BMP2K: variants seen among roughly 807,000 people sequenced by gnomAD.
BMP2K encodes the protein BMP-2-inducible protein kinase.
In BMP2K, 74 loss-of-function variants were observed where a neutral mutation model predicts 116.0. The ratio of observed to expected loss-of-function variants is 0.64; its 90% CI spans 0.53 to 0.77. The LOEUF is 0.77. BMP2K is among the 30% of genes least tolerant of loss of function. BMP2K has a pLI of 0.00. For synonymous variants in BMP2K, 486 were observed against 502.5 expected (o/e 0.97, Z 0.44); for missense variants, 1,365 against 1,403.6 (o/e 0.97, Z 0.44).
intron 13 of BMP2K, among the ~76,000 whole-genome samples, chr4:78,878,521 T>G (rs1732741187): frequency 6.6e-6 from 1 of 152,148 alleles, no homozygotes; most frequent in Non-Finnish European, 1.5e-5. Flanking sequence ...GGGTACCTTA[T>G]GTAGGTGATT....
chr4:78,809,686 G>GT (rs77902658), intron 1 of BMP2K, among the ~76,000 whole-genome samples: 8,269 of 130,176 alleles, frequency 0.064, 680 homozygotes, highest in African/African-American at 0.2. Flanking sequence ...GGTTTAAAGT[G>GT]TTTTTTTTTT....
In BMP2K at chr4:78,809,482, G is replaced by C. The variant is rs148863352; in HGVS notation, c.179-16555G>C. On this transcript the variant is annotated intron_variant, in intron 1 of 15. Transcript: ENST00000502613. ...AGCCTTGACCTCCTGAACTTAAGCA[G>C]TCCTCCCATCTCTGCCTCCTGAGTA... 2.6e-4 allele frequency among the ~76,000 whole-genome samples: 40 copies of C among 151,894 alleles called. No homozygotes were observed. The East Asian group carries it at 7.6e-3, about 29-fold the overall frequency.
chr4:78,786,261 C>G (rs1421257079), intron 1 of BMP2K, among the ~76,000 whole-genome samples: 1 of 152,098 alleles, frequency 6.6e-6, no homozygotes, highest in Non-Finnish European at 1.5e-5. Flanking sequence ...ATCCCTCATC[C>G]CTTGCACTAC....
chr4:78,912,555 C>T lies in BMP2K; in HGVS notation c.*522C>T, dbSNP rs573875290. On this transcript the variant is annotated 3_prime_UTR_variant, in exon 16 of 16. Coordinates refer to ENST00000502613, the MANE Select transcript of BMP2K (RefSeq NM_198892.2). ...GAGAGTGCAGAGATTTCAGTCCATA[C>T]ACCTTTCTCCACAAAGCAGAGCCAG... is the stretch of plus-strand genomic sequence containing the variant. The T allele has an allele frequency of 1.3e-5, 2 of 152,520 alleles. No homozygotes were observed. Among genetic ancestry groups the T allele is most frequent in the African/African-American group, 4.8e-5 (2 of 41,544 alleles). 9.4% of individuals were successfully genotyped at this position (152,520 alleles called of 1,614,324 possible).
intron 9 of BMP2K, among the ~76,000 whole-genome samples, chr4:78,864,208 G>A (rs535471176): frequency 9.9e-5 from 15 of 152,174 alleles, no homozygotes; most frequent in African/African-American, 2.9e-4. Flanking sequence ...GCAACATCAG[G>A]TCTGGCCTGT....
intron 15 of BMP2K, among the ~76,000 whole-genome samples, chr4:78,897,265 C>A (rs1199559762): frequency 1.3e-5 from 2 of 151,642 alleles, no homozygotes; most frequent in Non-Finnish European, 2.9e-5. Flanking sequence ...AAAAGTGCAG[C>A]TATAAAAATG....
intron 15 of BMP2K, among the ~76,000 whole-genome samples, chr4:78,901,046 T>G (rs1733973868): frequency 2.0e-5 from 3 of 152,046 alleles, no homozygotes; most frequent in African/African-American, 7.2e-5. Context: ...TTGGCAAACT[T>G]GTTTTCCTTT....
chr4:78,785,408 G>A (rs866274306), intron 1 of BMP2K, among the ~76,000 whole-genome samples: 7 of 152,094 alleles, frequency 4.6e-5, no homozygotes, highest in Middle Eastern at 3.4e-3. Flanking sequence ...CACTGCGCCC[G>A]GCCTAAAATT....
chr4:78,828,536 G>A (rs1729991051), intron 2 of BMP2K, among the ~76,000 whole-genome samples: 2 of 152,098 alleles, frequency 1.3e-5, no homozygotes, highest in South Asian at 4.1e-4. Context: ...AGAAAGGTGG[G>A]CAACGATTAG....
intron 1 of BMP2K, among the ~76,000 whole-genome samples, chr4:78,778,538 C>T (rs1231237610): frequency 6.6e-6 from 1 of 152,198 alleles, no homozygotes; most frequent in African/African-American, 2.4e-5. Flanking sequence ...ACTTCTCCAT[C>T]CTACACCCCA....
Position 78,913,355 on chromosome 4 carries a change from C to T in BMP2K, c.*1322C>T, listed in dbSNP as rs779270327. ...ATTTGCCTTTTTTTACACCACAAAT[C>T]CTAATTAGAAACTTGAGGTTTTATA... On this transcript the variant is annotated 3_prime_UTR_variant, in exon 16 of 16. Transcript: ENST00000502613. 1 of 152,084 alleles carries T rather than the reference C, an allele frequency of 6.6e-6. No homozygotes were observed. Among genetic ancestry groups the T allele is most frequent in the Non-Finnish European group, 1.5e-5 (1 of 67,970 alleles). The allele number at this position is 152,084 out of a possible 1,614,324, so 9.4% of individuals were successfully genotyped here. A position where few individuals can be genotyped will look rare whatever the true frequency, so the allele number is the denominator to read the frequency against.
chr4:78,834,488 C>T (rs1408622018), intron 3 of BMP2K, among the ~76,000 whole-genome samples: 2 of 152,070 alleles, frequency 1.3e-5, no homozygotes, highest in East Asian at 3.9e-4. Context: ...GTCTCGATCT[C>T]CTGACCTCGT....
chr4:78,849,154 A>C (rs1731139266), intron 6 of BMP2K, among the ~76,000 whole-genome samples: 1 of 151,266 alleles, frequency 6.6e-6, no homozygotes, highest in South Asian at 2.1e-4. Flanking sequence ...TTTTATCCCG[A>C]GATTTAGGAT....
intron 14 of BMP2K, among the ~76,000 whole-genome samples, chr4:78,883,638 G>A (rs1451924979): frequency 6.6e-6 from 1 of 152,176 alleles, no homozygotes; most frequent in East Asian, 1.9e-4. Context: ...TCACAGTACT[G>A]TTTATATACT....
intron 15 of BMP2K, among the ~76,000 whole-genome samples, chr4:78,901,725 G>T (rs901228850): frequency 6.6e-6 from 1 of 152,116 alleles, no homozygotes; most frequent in African/African-American, 2.4e-5. Context: ...AATGTAGTGT[G>T]GACCACCCCA....
chr4:78,860,274 T>C (rs929595023), intron 8 of BMP2K, among the ~76,000 whole-genome samples: 7 of 151,844 alleles, frequency 4.6e-5, no homozygotes, highest in African/African-American at 1.7e-4. Flanking sequence ...AAGCCCAGAC[T>C]TCACCATTAT....
chr4:78,830,217 G>T (rs1730143531), intron 2 of BMP2K, among the ~76,000 whole-genome samples: 1 of 152,168 alleles, frequency 6.6e-6, no homozygotes, highest in African/African-American at 2.4e-5. Flanking sequence ...CAGAGCTCAT[G>T]GGTGACTAGG....
intron 9 of BMP2K, among the ~76,000 whole-genome samples, chr4:78,863,147 T>A (rs1277685167): frequency 2.0e-5 from 3 of 152,084 alleles, no homozygotes; most frequent in Non-Finnish European, 4.4e-5. Flanking sequence ...AGTGCTTATT[T>A]ATAGTATGTT....
chr4:78,875,737 C>T (rs1195953741), intron 13 of BMP2K, among the ~76,000 whole-genome samples: 1 of 152,172 alleles, frequency 6.6e-6, no homozygotes, highest in East Asian at 1.9e-4. Flanking sequence ...CAAGATAGTT[C>T]ACTCACATGG....
Sources: allele counts gnomAD v4.1 joint callset (sites outside exome capture counted in the v4.1 genomes callset), GRCh38; gene constraint gnomAD v4.1.1; transcripts MANE v1.5; gene names NCBI Gene and HGNC (gene_info 2026-07-23, HGNC 2026-07-21).